Variants in CLIC5 observed in about 807,000 individuals in gnomAD.
The protein encoded by CLIC5 is CLIC family member 5, also known as chloride intracellular channel protein 5.
A neutral mutation model predicts 24.7 loss-of-function variants in CLIC5; 20 were observed. The observed-to-expected ratio is 0.81, with a 90% confidence interval of 0.57 to 1.18. The LOEUF is 1.18. CLIC5 is among the 50% of genes most tolerant of loss of function. The pLI is 0.00. For synonymous variants in CLIC5, 159 were observed against 135.6 expected (o/e 1.17, Z -1.20); for missense variants, 341 against 326.1 (o/e 1.05, Z -0.35).
chr6:46,072,780 A>G (rs763956127), intron 1 of CLIC5, among the ~76,000 whole-genome samples: 5 of 152,162 alleles, frequency 3.3e-5, no homozygotes, highest in Non-Finnish European at 7.4e-5. Flanking sequence ...CCCCTCCCAC[A>G]TGGGCACACA....
chr6:46,023,197 A>G (rs950527609), intron 1 of CLIC5, among the ~76,000 whole-genome samples: 2 of 152,180 alleles, frequency 1.3e-5, no homozygotes, highest in Non-Finnish European at 2.9e-5. Flanking sequence ...TTTGAACTGA[A>G]ACATATGAAA....
At chr6:46,097,089 A>T in the CLIC5 span, 2 of 152,232 alleles carry the variant, frequency 1.3e-5, no homozygotes, top group African/African-American at 4.8e-5. Context: ...TATTTAAAAC[A>T]AAAGGAACTC....
At chr6:45,911,766 C>G in intron 5 of CLIC5, 1 of 985,440 alleles carries the variant, frequency 1.0e-6, no homozygotes, top group African/African-American at 1.7e-5. Flanking sequence ...AACATCGTCA[C>G]TATGCTAGGC....
chr6:46,049,659 C>A (rs934494793), intron 1 of CLIC5, among the ~76,000 whole-genome samples: 4 of 152,192 alleles, frequency 2.6e-5, no homozygotes, highest in Non-Finnish European at 1.5e-5. Flanking sequence ...GCAGAACTAA[C>A]ATAAACAAGA....
chr6:45,952,579 A>G (rs1466111114), intron 2 of CLIC5, among the ~76,000 whole-genome samples: 3 of 152,218 alleles, frequency 2.0e-5, no homozygotes, highest in Non-Finnish European at 4.4e-5. Context: ...CAGTCACTAA[A>G]GTGTAGTGCC....
chr6:45,918,848 A>G, intron 4 of CLIC5: 1 of 622,192 alleles, frequency 1.6e-6, no homozygotes, highest in Non-Finnish European at 2.0e-6. Flanking sequence ...TTATGCAACT[A>G]CCATTTAAAC....
chr6:45,974,523 A>ATATAGG (rs1765320365), intron 1 of CLIC5, among the ~76,000 whole-genome samples: 1 of 25,048 alleles, frequency 4.0e-5, no homozygotes, highest in Non-Finnish European at 6.7e-5. Flanking sequence ...ATATATATAT[A>ATATAGG]GAGAGAGAGA....
At chr6:46,047,374 G>T (rs575573402) in intron 1 of CLIC5, among the ~76,000 whole-genome samples, 23 of 152,232 alleles carry the variant, frequency 1.5e-4, no homozygotes, top group African/African-American at 5.3e-4. Flanking sequence ...ACCCAAAGAT[G>T]GTCATGTCAC....
At chr6:45,999,164 C>T (rs1256670178) in intron 1 of CLIC5, among the ~76,000 whole-genome samples, 1 of 152,156 alleles carries the variant, frequency 6.6e-6, no homozygotes, top group African/African-American at 2.4e-5. Context: ...CTGAAAGGGA[C>T]CTCGGGTATC....
In CLIC5 at chr6:45,910,165, G is replaced by A. The variant is rs186843339; in HGVS notation, c.588+4063C>T. Reference sequence around the variant, plus strand: ...TTTTCTAACTTGTGGGCAGTGTAAGGATAGCAATCACAGGTTCTTCACTTC... The same window carrying A: ...TTTTCTAACTTGTGGGCAGTGTAAGAATAGCAATCACAGGTTCTTCACTTC... On this transcript the variant is annotated intron_variant, in intron 5 of 5. Transcript: ENST00000339561. Among the ~76,000 whole-genome samples, 11 of 152,176 alleles carry A rather than the reference G, an allele frequency of 7.2e-5. No homozygotes were observed. In the East Asian group the frequency reaches 1.9e-3, roughly 27 times the overall value.
intron 5 of CLIC5, 105 bp downstream of exon 5, chr6:45,914,123 G>T: frequency 1.1e-6 from 1 of 928,334 alleles, no homozygotes. Context: ...TCAGGGTCCA[G>T]GTTCTTGACC....
intron 1 of CLIC5, among the ~76,000 whole-genome samples, chr6:46,025,797 A>T (rs1003571525): frequency 4.6e-5 from 7 of 152,106 alleles, no homozygotes; most frequent in Non-Finnish European, 1.0e-4. Context: ...CATGAGGACG[A>T]ATTTCCCCCT....
At position 45,900,783 on chromosome 6, in the gene CLIC5, T is replaced by C. The variant is rs1406365682; in HGVS notation, c.*2305A>G. 2 of 152,194 alleles carry C rather than the reference T, an allele frequency of 1.3e-5. No homozygotes were observed. The highest frequency in any genetic ancestry group is 2.9e-5 in the Non-Finnish European group (2 of 68,036). The allele number at this position is 152,194 out of a possible 1,614,324, so 9.4% of individuals were successfully genotyped here. A position where few individuals can be genotyped will look rare whatever the true frequency, so the allele number is the denominator to read the frequency against. On this transcript the variant is annotated 3_prime_UTR_variant, in exon 6 of 6. Transcript: ENST00000339561. ...CTCCTTGTCTTAATATATTTATCTC[T>C]GTAAAACTAGCTCAACCACAGAAGG... is the stretch of plus-strand genomic sequence containing the variant.
At chr6:45,997,512 GAAA>G (rs201284615) in intron 1 of CLIC5, among the ~76,000 whole-genome samples, 34 of 130,258 alleles carry the variant, frequency 2.6e-4, no homozygotes, top group East Asian at 2.1e-3. Flanking sequence ...AATAATAAAA[GAAA>G]AAAAAAAAAA....
intron 3 of CLIC5, among the ~76,000 whole-genome samples, chr6:45,946,955 A>G (rs1013239565): frequency 1.3e-5 from 2 of 152,206 alleles, no homozygotes; most frequent in African/African-American, 4.8e-5. Context: ...TGCACTTCAT[A>G]AAACCTCCTA....
downstream of CLIC5, chr6:45,880,963 C>T (rs988503956): frequency 2.5e-6 from 1 of 393,410 alleles, no homozygotes; most frequent in Non-Finnish European, 4.5e-6. Flanking sequence ...TTTAATTTTA[C>T]TAGAGGGAAT....
At chr6:46,001,553 C>G (rs1207633921) in intron 1 of CLIC5, among the ~76,000 whole-genome samples, 1 of 152,154 alleles carries the variant, frequency 6.6e-6, no homozygotes, top group African/African-American at 2.4e-5. Context: ...CTGCCACTCT[C>G]CCAGACCCCC....
At chr6:45,925,348 G>A (rs1029986266) in intron 4 of CLIC5, among the ~76,000 whole-genome samples, 3 of 140,210 alleles carry the variant, frequency 2.1e-5, no homozygotes, top group African/African-American at 8.3e-5. Context: ...ATAGAGTCTC[G>A]CTCTGTCACC....
At chr6:46,105,308 T>A in the CLIC5 span, among the ~76,000 whole-genome samples, 1 of 152,156 alleles carries the variant, frequency 6.6e-6, no homozygotes, top group Admixed American at 6.5e-5. Context: ...CTGTTAGAGA[T>A]TTAAAAGGAT....
Sources: gnomAD v4.1 joint callset for allele counts (sites outside exome capture counted in the v4.1 genomes callset) on GRCh38, gnomAD v4.1.1 for gene constraint, MANE v1.5 for transcripts, NCBI Gene and HGNC (gene_info 2026-07-23, HGNC 2026-07-21) for gene names.